Variants in RNF157 observed in about 807,000 individuals in gnomAD.
The protein encoded by RNF157 is E3 ubiquitin ligase RNF157.
A neutral mutation model predicts 88.3 loss-of-function variants in RNF157; 55 were observed. That is an observed-to-expected ratio of 0.62 (90% CI 0.50 to 0.78). The LOEUF (loss-of-function observed/expected upper bound fraction) is 0.78. Ranked by LOEUF, RNF157 falls within the 30% of genes least tolerant of loss-of-function variation. RNF157 has a pLI of 0.00. For synonymous variants in RNF157, 334 were observed against 341.2 expected, an observed-to-expected ratio of 0.98 and a Z score of 0.23; for missense variants, 788 against 860.8, an observed-to-expected ratio of 0.92 and a Z score of 1.06.
intron 2 of RNF157, among the ~76,000 whole-genome samples, chr17:76,194,437 C>T (rs1426525323): frequency 2.6e-5 from 4 of 152,272 alleles, no homozygotes; most frequent in South Asian, 2.1e-4. Flanking sequence ...GTGGGAAGGG[C>T]GGTAAATTCA....
At chr17:76,180,865 G>A (rs900655103) in intron 2 of RNF157, among the ~76,000 whole-genome samples, 2 of 152,118 alleles carry the variant, frequency 1.3e-5, no homozygotes, top group African/African-American at 2.4e-5. Flanking sequence ...CTCTAGTTTA[G>A]GTATGCTCTT....
chr17:76,240,139 C>T lies in RNF157; in HGVS notation c.88+14G>A. ...CTCTCCCTCCTCGCGGCTGCGGCGC[C>T]CGCCCGCCCTCACCGGACTTGGGCG... On this transcript the variant is annotated intron_variant, in intron 1 of 18. Transcript: ENST00000269391. This position sits in a 1 kb window ranked among gnomAD's most constrained non-coding sequence, Gnocchi z 4.4. 7.6e-7 allele frequency: 1 copy of T among 1,313,486 alleles called. No homozygotes were observed. The highest frequency in any genetic ancestry group is 2.4e-5 in the South Asian group (1 of 41,214). 81.4% of individuals were successfully genotyped at this position (1,313,486 alleles called of 1,614,324 possible).
At chr17:76,180,239 C>T (rs909102675) in intron 2 of RNF157, among the ~76,000 whole-genome samples, 2 of 152,104 alleles carry the variant, frequency 1.3e-5, no homozygotes, top group African/African-American at 4.8e-5. Context: ...TTCTAGAATC[C>T]TATTTCACTT....
chr17:76,155,399 G>T, intron 15 of RNF157, 82 bp from the exon 16 acceptor site: 2 of 1,486,914 alleles, frequency 1.3e-6, no homozygotes, highest in Non-Finnish European at 9.4e-7. Flanking sequence ...AACAAAATTG[G>T]TGTCAAATAG....
At chr17:76,206,437 T>C (rs566559092) in intron 2 of RNF157, among the ~76,000 whole-genome samples, 1 of 152,288 alleles carries the variant, frequency 6.6e-6, no homozygotes, top group Admixed American at 6.5e-5. Context: ...ACAGATACCT[T>C]AGTTCCTTTA....
intron 1 of RNF157, among the ~76,000 whole-genome samples, chr17:76,225,030 G>C (rs2070055411): frequency 6.6e-6 from 1 of 151,938 alleles, no homozygotes; most frequent in South Asian, 2.1e-4. Flanking sequence ...AAATTAGCCG[G>C]GTATGGTGGC....
At chr17:76,227,825 C>T (rs912347135) in intron 1 of RNF157, among the ~76,000 whole-genome samples, 1 of 151,968 alleles carries the variant, frequency 6.6e-6, no homozygotes, top group African/African-American at 2.4e-5. Flanking sequence ...TGCGGTGAGC[C>T]AAGATCGCCC....
intron 2 of RNF157, among the ~76,000 whole-genome samples, chr17:76,174,447 T>A (rs977695372): frequency 6.6e-6 from 1 of 152,216 alleles, no homozygotes; most frequent in Non-Finnish European, 1.5e-5. Flanking sequence ...AAGTTCTGAG[T>A]TGTTGATAAT....
chr17:76,194,368 G>A (rs1036486190), intron 2 of RNF157, among the ~76,000 whole-genome samples: 4 of 152,104 alleles, frequency 2.6e-5, no homozygotes, highest in South Asian at 2.1e-4. Context: ...AGAACACCAC[G>A]CACTCAGCCA....
At position 76,144,953 on chromosome 17, in the gene RNF157, G is replaced by T. The variant is rs1054193203; in HGVS notation, c.*282C>A. The T allele has an allele frequency of 2.9e-6, 1 of 343,658 alleles. No homozygotes were observed. The highest frequency in any genetic ancestry group is 5.3e-6 in the Non-Finnish European group (1 of 189,846). 21.3% of individuals were successfully genotyped at this position (343,658 alleles called of 1,614,324 possible). On this transcript the variant is annotated 3_prime_UTR_variant, in exon 19 of 19. Transcript: ENST00000269391. ...AAAGATGTGTAAGAAATTAGCCCAT[G>T]GACCCCAGCTCCACCTGAACATCAA...
At chr17:76,165,876 C>T (rs565885552) in intron 6 of RNF157, among the ~76,000 whole-genome samples, 1 of 152,078 alleles carries the variant, frequency 6.6e-6, no homozygotes, top group Admixed American at 6.6e-5. Flanking sequence ...CGGGGTTTCA[C>T]TATGTTGGTC....
intron 2 of RNF157, among the ~76,000 whole-genome samples, chr17:76,200,378 C>A (rs2069554691): frequency 6.6e-6 from 1 of 152,162 alleles, no homozygotes; most frequent in Non-Finnish European, 1.5e-5. Flanking sequence ...GATATAATGG[C>A]ATATTATTCA....
chr17:76,225,925 C>T (rs990983355), intron 1 of RNF157: 6 of 1,613,132 alleles, frequency 3.7e-6, no homozygotes, highest in Non-Finnish European at 5.1e-6. Context: ...TCTGGCGGTA[C>T]CTAGTGGCTG....
intron 1 of RNF157, among the ~76,000 whole-genome samples, chr17:76,219,199 AGAT>A (rs1182255997): frequency 6.6e-6 from 1 of 151,986 alleles, no homozygotes; most frequent in South Asian, 2.1e-4. Flanking sequence ...CAGTATATAA[AGAT>A]TAAATAAGGG....
intron 18 of RNF157, among the ~76,000 whole-genome samples, chr17:76,149,799 C>T (rs534114091): frequency 1.3e-5 from 2 of 152,058 alleles, no homozygotes; most frequent in South Asian, 2.1e-4. Flanking sequence ...TTTGGGGGGC[C>T]GAGGTGGGCA....
chr17:76,234,817 T>G (rs2070254169), intron 1 of RNF157, among the ~76,000 whole-genome samples: 1 of 152,248 alleles, frequency 6.6e-6, no homozygotes. Flanking sequence ...TTCTCTCTTT[T>G]AACTCTATAA....
chr17:76,236,718 C>T (rs998588188), intron 1 of RNF157, among the ~76,000 whole-genome samples: 1 of 152,050 alleles, frequency 6.6e-6, no homozygotes, highest in African/African-American at 2.4e-5. Context: ...AAACAACTCA[C>T]AGATGTTTAT....
At chr17:76,216,353 A>C (rs2069888556) in intron 1 of RNF157, among the ~76,000 whole-genome samples, 1 of 152,240 alleles carries the variant, frequency 6.6e-6, no homozygotes, top group Non-Finnish European at 1.5e-5. Flanking sequence ...AAAGCAGGCA[A>C]CAGGGTTCGA....
At chr17:76,183,130 T>A (rs2069225322) in intron 2 of RNF157, among the ~76,000 whole-genome samples, 1 of 151,758 alleles carries the variant, frequency 6.6e-6, no homozygotes, top group Non-Finnish European at 1.5e-5. Flanking sequence ...AGAGATAGGG[T>A]TTCTCCATGT....
Sources: allele counts gnomAD v4.1 joint callset (sites outside exome capture counted in the v4.1 genomes callset), GRCh38; gene constraint gnomAD v4.1.1; non-coding constraint Gnocchi (gnomAD v3.1); transcripts MANE v1.5; gene names NCBI Gene and HGNC (gene_info 2026-07-23, HGNC 2026-07-21).